METTL21A: variants seen among roughly 807,000 people sequenced by gnomAD.
METTL21A encodes the protein protein N-lysine methyltransferase METTL21A.
Under a neutral mutation model 20.9 loss-of-function variants are expected in METTL21A, and 22 were observed. The ratio of observed to expected loss-of-function variants is 1.05; its 90% confidence interval spans 0.75 to 1.50. The LOEUF (loss-of-function observed/expected upper bound fraction) is 1.50. Ranked by LOEUF, METTL21A falls within the 40% of genes most tolerant of loss-of-function variation. METTL21A has a pLI of 0.00. For missense variants in METTL21A, 271 were observed against 266.8 expected (o/e 1.02, Z -0.11); for synonymous variants, 93 against 102.0 (o/e 0.91, Z 0.53).
downstream of METTL21A, among the ~76,000 whole-genome samples, chr2:207,608,317 T>C (rs2088443699): frequency 1.3e-5 from 2 of 152,128 alleles, no homozygotes; most frequent in Admixed American, 6.5e-5. Context: ...TCTCAATCTT[T>C]GAGTCTATTT....
chr2:207,604,548 A>C (rs2087741648), downstream of METTL21A, among the ~76,000 whole-genome samples: 3 of 152,218 alleles, frequency 2.0e-5, no homozygotes, highest in Admixed American at 1.3e-4. Context: ...CTGACATCAA[A>C]TGGAAAGGAA....
At chr2:207,597,748 T>C (rs1179019847) in intron 3 of METTL21A, 1 of 203,156 alleles carries the variant, frequency 4.9e-6, no homozygotes, top group Non-Finnish European at 1.0e-5. Flanking sequence ...CAGTTCTGTA[T>C]GTGTTCAACA....
chr2:207,599,519 A>G (rs766156344), intron 3 of METTL21A: 1 of 195,928 alleles, frequency 5.1e-6, no homozygotes, highest in Non-Finnish European at 1.1e-5. Flanking sequence ...GGATGAATTT[A>G]TAAGTTATAA....
chr2:207,606,311 TCTC>T (rs1411374806), downstream of METTL21A, among the ~76,000 whole-genome samples: 2 of 152,224 alleles, frequency 1.3e-5, no homozygotes, highest in Admixed American at 6.5e-5. Flanking sequence ...TGAAACCTCA[TCTC>T]TACTAAAAAA....
At chr2:207,609,313 A>G (rs151077304), downstream of METTL21A, 2 of 152,318 alleles carry the variant, frequency 1.3e-5, no homozygotes, top group East Asian at 1.9e-4. Context: ...AATTTAAGCT[A>G]TTGTTTAAAC....
intron 3 of METTL21A, among the ~76,000 whole-genome samples, chr2:207,594,724 G>T (rs1352484285): frequency 6.6e-6 from 1 of 152,066 alleles, no homozygotes; most frequent in East Asian, 1.9e-4. Context: ...AGTTCTTTTG[G>T]ATCTGTAGCA....
intron 3 of METTL21A, among the ~76,000 whole-genome samples, chr2:207,618,555 T>TAGCCTGGTGC (rs2090072326): frequency 6.6e-6 from 1 of 151,918 alleles, no homozygotes; most frequent in African/African-American, 2.4e-5. Flanking sequence ...AAAAAAAAAT[T>TAGCCTGGTGC]AGCCTGGTGC....
At chr2:207,599,477 GATAA>G (rs2086692324) in intron 3 of METTL21A, 1 of 195,984 alleles carries the variant, frequency 5.1e-6, no homozygotes, top group African/African-American at 2.3e-5. Flanking sequence ...CTTAGTCCCT[GATAA>G]ATCAAGGCAA....
intron 3 of METTL21A, among the ~76,000 whole-genome samples, chr2:207,593,362 C>CA (rs972189892): frequency 1.3e-5 from 2 of 152,082 alleles, no homozygotes. Context: ...ACTGTCTCTA[C>CA]AAAAAATAAT....
chr2:207,620,084 G>A (rs551952058), intron 3 of METTL21A, among the ~76,000 whole-genome samples: 4 of 152,286 alleles, frequency 2.6e-5, no homozygotes, highest in South Asian at 2.1e-4. Context: ...GGAGGAAACA[G>A]AAGAAACCTC....
intron 3 of METTL21A, among the ~76,000 whole-genome samples, chr2:207,617,849 G>A (rs1281068947): frequency 6.6e-6 from 1 of 152,158 alleles, no homozygotes; most frequent in Admixed American, 6.5e-5. Context: ...TTAAAAGACG[G>A]AATCAGTGGG....
chr2:207,617,251 C>T (rs1012930058), intron 3 of METTL21A, among the ~76,000 whole-genome samples: 9 of 152,260 alleles, frequency 5.9e-5, no homozygotes, highest in African/African-American at 2.2e-4. Flanking sequence ...ACCCACAGCT[C>T]AAAAGTCTCA....
At chr2:207,594,007 T>C (rs542019405) in intron 3 of METTL21A, among the ~76,000 whole-genome samples, 2 of 152,198 alleles carry the variant, frequency 1.3e-5, no homozygotes, top group South Asian at 4.1e-4. Context: ...ATTACAGGGG[T>C]GAGCCACCAC....
In METTL21A at chr2:207,597,227, G is replaced by C. The variant is rs2086322580; in HGVS notation, c.260-15067C>G. ...CATTTGTGCTTTTGCATTAAACTGTGAATGTTCCAACACCTGCCTCCACTT... is the reference window on the plus strand; with the variant it reads ...CATTTGTGCTTTTGCATTAAACTGTCAATGTTCCAACACCTGCCTCCACTT... On this transcript the variant is annotated intron_variant, in intron 3 of 3. Transcript: ENST00000425132. 10 of 682,074 alleles carry C rather than the reference G, an allele frequency of 1.5e-5. No individual in the cohort carries two copies. The Admixed American group carries it at 4.0e-4, about 28-fold the overall frequency. 42.3% of individuals were successfully genotyped at this position (682,074 alleles called of 1,614,324 possible).
intron 1 of METTL21A, chr2:207,624,614 A>C (rs1173131154): frequency 4.9e-6 from 2 of 409,274 alleles, no homozygotes; most frequent in Non-Finnish European, 8.6e-6. Flanking sequence ...TGTTTGGGGA[A>C]GAAGAAAAAA....
chr2:207,595,023 G>C (rs181259431), intron 3 of METTL21A, among the ~76,000 whole-genome samples: 1 of 145,618 alleles, frequency 6.9e-6, no homozygotes, highest in East Asian at 2.0e-4. Context: ...CTGAGATGGA[G>C]GCTCGCTCTG....
intron 3 of METTL21A, among the ~76,000 whole-genome samples, chr2:207,585,838 A>G (rs2083724213): frequency 6.6e-6 from 1 of 152,164 alleles, no homozygotes; most frequent in African/African-American, 2.4e-5. Context: ...CCAGTCAAAC[A>G]CACACTAAAA....
At chr2:207,593,200 A>G (rs1002917186) in intron 3 of METTL21A, among the ~76,000 whole-genome samples, 2 of 152,070 alleles carry the variant, frequency 1.3e-5, no homozygotes, top group Admixed American at 6.6e-5. Context: ...CACCATTCCT[A>G]TTAGAGCCTT....
intron 3 of METTL21A, chr2:207,600,838 T>C (rs545769828): frequency 1.2e-4 from 25 of 206,466 alleles, no homozygotes; most frequent in Non-Finnish European, 2.2e-4. Context: ...TGGGGTGACA[T>C]GTGGAATCAT....
Sources: allele counts gnomAD v4.1 joint callset (sites outside exome capture counted in the v4.1 genomes callset), GRCh38; gene constraint gnomAD v4.1.1; transcripts MANE v1.5; gene names NCBI Gene and HGNC (gene_info 2026-07-23, HGNC 2026-07-21).